DNAH9: variants seen among roughly 807,000 people sequenced by gnomAD.
DNAH9 encodes the protein DNAH9 variant protein.
In DNAH9, 345 loss-of-function variants were observed where a neutral mutation model predicts 471.6. The ratio of observed to expected loss-of-function variants is 0.73; its 90% CI spans 0.67 to 0.80. The LOEUF (loss-of-function observed/expected upper bound fraction) is 0.80. Ranked by LOEUF, DNAH9 falls within the 30% of genes least tolerant of loss-of-function variation. The probability of loss-of-function intolerance (pLI) is 0.00; values close to 1 mark genes in which losing one functional copy is unlikely to be tolerated. For missense variants in DNAH9, 5,407 were observed against 5,609.2 expected (o/e 0.96, Z 1.15); for synonymous variants, 2,093 against 2,123.6 (o/e 0.99, Z 0.40).
At chr17:11,631,450 C>T (rs2073063609) in intron 7 of DNAH9, among the ~76,000 whole-genome samples, 1 of 152,026 alleles carries the variant, frequency 6.6e-6, no homozygotes, top group African/African-American at 2.4e-5. Context: ...CGTAGACTAT[C>T]CTGGCCAACA....
In DNAH9 at chr17:11,690,221, G is replaced by A. The variant is rs753406601; in HGVS notation, c.4399G>A (p.Asp1467Asn). 1 of 1,614,146 alleles carries A rather than the reference G, an allele frequency of 6.2e-7. No individual in the cohort carries two copies. The highest frequency in any genetic ancestry group is 8.5e-7 in the Non-Finnish European group (1 of 1,179,978). Reference sequence around the variant, plus strand: ...TGTCCCCCTCCTGTGCTCTGATGAGGACCTCATAGAGGTTCTGGAGGATAA... The same window carrying A: ...TGTCCCCCTCCTGTGCTCTGATGAGAACCTCATAGAGGTTCTGGAGGATAA... The part of the protein sequence containing the change: ...TNVPLLCSDE[D>N]LIEVLEDNQV... Residue 1467 changes from aspartate to asparagine, a missense_variant, in exon 20 of 69, where the codon GAC (aspartate) becomes AAC (asparagine). This residue lies in a region of DNAH9 where 4,636 missense variants were observed against 4,900.3 expected (regional missense o/e 0.95). Transcript: ENST00000262442.
At chr17:11,788,747 T>G (rs1458542084) in intron 41 of DNAH9, among the ~76,000 whole-genome samples, 1 of 152,210 alleles carries the variant, frequency 6.6e-6, no homozygotes, top group African/African-American at 2.4e-5. Context: ...TCTTGTCTTA[T>G]TGTGCTGGCT....
chr17:11,867,190 T>G (rs1251682882), intron 50 of DNAH9, among the ~76,000 whole-genome samples: 2 of 152,226 alleles, frequency 1.3e-5, no homozygotes, highest in African/African-American at 4.8e-5. Context: ...TTTTATATGG[T>G]GTTTGGCATG....
chr17:11,677,262 G>A (rs938073586), intron 17 of DNAH9, among the ~76,000 whole-genome samples: 4 of 151,514 alleles, frequency 2.6e-5, no homozygotes, highest in Non-Finnish European at 5.9e-5. Context: ...CATTTTTAGT[G>A]GTATATTGTC....
chr17:11,927,737 G>A (rs538688103), intron 62 of DNAH9, among the ~76,000 whole-genome samples: 4 of 152,128 alleles, frequency 2.6e-5, no homozygotes, highest in South Asian at 2.1e-4. Flanking sequence ...CAGTCTTCCC[G>A]CTCTTCCTTC....
intron 6 of DNAH9, among the ~76,000 whole-genome samples, chr17:11,620,459 C>T (rs1366687054): frequency 6.6e-6 from 1 of 150,438 alleles, no homozygotes; most frequent in Non-Finnish European, 1.5e-5. Flanking sequence ...TTTCAGTGAG[C>T]CACGATCACA....
chr17:11,613,314 G>GT (rs200434309), intron 4 of DNAH9, among the ~76,000 whole-genome samples: 10 of 152,122 alleles, frequency 6.6e-5, no homozygotes, highest in Non-Finnish European at 1.2e-4. Flanking sequence ...CTAGGGGAAA[G>GT]TTTTTTAAAA....
intron 2 of DNAH9, among the ~76,000 whole-genome samples, chr17:11,608,691 C>T (rs549287225): frequency 6.6e-6 from 1 of 152,186 alleles, no homozygotes; most frequent in African/African-American, 2.4e-5. Flanking sequence ...ATGCCTCTTC[C>T]CAGTGTTTAC....
intron 27 of DNAH9, among the ~76,000 whole-genome samples, chr17:11,726,207 G>T (rs1437280830): frequency 6.6e-6 from 1 of 152,092 alleles, no homozygotes; most frequent in African/African-American, 2.4e-5. Flanking sequence ...CCTAAAGCAT[G>T]TAGTTTTCTG....
intron 59 of DNAH9, among the ~76,000 whole-genome samples, chr17:11,899,203 T>C (rs1973322382): frequency 6.6e-6 from 1 of 150,470 alleles, no homozygotes; most frequent in Non-Finnish European, 1.5e-5. Flanking sequence ...AATTTAAGCA[T>C]TGTATCTCGT....
At chr17:11,747,354 A>G (rs1966921725) in intron 31 of DNAH9, among the ~76,000 whole-genome samples, 1 of 152,190 alleles carries the variant, frequency 6.6e-6, no homozygotes, top group Non-Finnish European at 1.5e-5. Context: ...GTGACTAATA[A>G]TTATATAACT....
At chr17:11,639,663 G>C (rs945276884) in intron 9 of DNAH9, among the ~76,000 whole-genome samples, 11 of 152,164 alleles carry the variant, frequency 7.2e-5, no homozygotes, top group African/African-American at 2.7e-4. Context: ...GTTTAAGGGA[G>C]TGTTTCAACC....
At chr17:11,852,807 T>C (rs1429084422) in intron 49 of DNAH9, among the ~76,000 whole-genome samples, 1 of 52,956 alleles carries the variant, frequency 1.9e-5, no homozygotes, top group Non-Finnish European at 3.6e-5. Context: ...AGAAAGTGTG[T>C]GTGTGTGTAT....
At chr17:11,746,343 C>T (rs562758797) in intron 31 of DNAH9, among the ~76,000 whole-genome samples, 1 of 152,298 alleles carries the variant, frequency 6.6e-6, no homozygotes, top group South Asian at 2.1e-4. Context: ...GAGCTGCAGA[C>T]ACCCTTTGTC....
intron 22 of DNAH9, among the ~76,000 whole-genome samples, 187 bp downstream of exon 22, chr17:11,694,634 CTTTCTT>C (rs1567724543): frequency 0.03 from 133 of 4,396 alleles, 1 homozygote; most frequent in South Asian, 0.17. Context: ...TGCTTTCTTG[CTTTCTT>C]GCTTTCTCGC....
chr17:11,708,196 G>A (rs2074763039), intron 26 of DNAH9, among the ~76,000 whole-genome samples: 1 of 152,154 alleles, frequency 6.6e-6, no homozygotes, highest in South Asian at 2.1e-4. Flanking sequence ...CGTGTTTGCT[G>A]TTATGTCCCC....
At chr17:11,916,206 A>G (rs966255339) in intron 61 of DNAH9, among the ~76,000 whole-genome samples, 1 of 152,152 alleles carries the variant, frequency 6.6e-6, no homozygotes, top group African/African-American at 2.4e-5. Context: ...TTCTTAGCCA[A>G]TTGACCTCCA....
chr17:11,877,849 C>T (rs1023536971), intron 53 of DNAH9, among the ~76,000 whole-genome samples: 1 of 152,116 alleles, frequency 6.6e-6, no homozygotes, highest in African/African-American at 2.4e-5. Flanking sequence ...ATTCTCCTGC[C>T]TCAGCCTTCC....
chr17:11,841,209 GA>G (rs1971018931), intron 49 of DNAH9, among the ~76,000 whole-genome samples: 1 of 152,090 alleles, frequency 6.6e-6, no homozygotes, highest in African/African-American at 2.4e-5. Context: ...GTTGATCAAA[GA>G]AAATGATCAA....
Sources: gnomAD v4.1 joint callset for allele counts (sites outside exome capture counted in the v4.1 genomes callset) on GRCh38, gnomAD v4.1.1 for gene constraint, gnomAD v4.1.1 regional missense constraint, MANE v1.5 for transcripts, NCBI Gene and HGNC (gene_info 2026-07-23, HGNC 2026-07-21) for gene names.